Variants in CADPS2 observed in about 807,000 individuals in gnomAD.
CADPS2 encodes calcium dependent secretion activator 2.
In CADPS2, 93 loss-of-function variants were observed where a neutral mutation model predicts 172.5. The ratio of observed to expected loss-of-function variants is 0.54; its 90% confidence interval spans 0.46 to 0.64. CADPS2 has a LOEUF of 0.64. Ranked by LOEUF, CADPS2 falls within the 30% of genes least tolerant of loss-of-function variation. CADPS2 has a pLI of 0.00. For missense variants in CADPS2, 1,420 were observed against 1,565.9 expected (o/e 0.91, Z 1.57); for synonymous variants, 546 against 555.2 (o/e 0.98, Z 0.23).
chr7:122,557,786 A>G (rs2065217590), intron 7 of CADPS2, among the ~76,000 whole-genome samples: 1 of 152,196 alleles, frequency 6.6e-6, no homozygotes, highest in Non-Finnish European at 1.5e-5. Flanking sequence ...TCATGCTTTC[A>G]CCAGTATAGA....
chr7:122,442,956 A>C (rs2051569645), intron 15 of CADPS2, among the ~76,000 whole-genome samples: 1 of 152,208 alleles, frequency 6.6e-6, no homozygotes, highest in African/African-American at 2.4e-5. Flanking sequence ...AGCATTAGCA[A>C]ATTAGCAAAG....
intron 1 of CADPS2, among the ~76,000 whole-genome samples, chr7:122,881,413 A>G (rs900274475): frequency 6.6e-6 from 1 of 152,296 alleles, no homozygotes; most frequent in Non-Finnish European, 1.5e-5. Context: ...GGTTAAAAGA[A>G]TCAGCTGAAG....
chr7:122,664,717 G>A (rs1391353827), intron 2 of CADPS2, among the ~76,000 whole-genome samples: 1 of 152,110 alleles, frequency 6.6e-6, no homozygotes, highest in Non-Finnish European at 1.5e-5. Flanking sequence ...AAGCCTGCAG[G>A]ACAATTTAAT....
chr7:122,618,719 G>A (rs1408932204), intron 5 of CADPS2, among the ~76,000 whole-genome samples: 1 of 152,188 alleles, frequency 6.6e-6, no homozygotes, highest in Non-Finnish European at 1.5e-5. Context: ...GGTCTGAGGA[G>A]CAAGGCTTGC....
intron 3 of CADPS2, among the ~76,000 whole-genome samples, chr7:122,640,451 TTG>T (rs1323590532): frequency 6.7e-6 from 1 of 149,550 alleles, no homozygotes; most frequent in East Asian, 2.0e-4. Context: ...AAATAAGTGG[TTG>T]TGTGTGCACA....
At chr7:122,658,706 AG>A (rs2080131629) in intron 3 of CADPS2, among the ~76,000 whole-genome samples, 1 of 152,148 alleles carries the variant, frequency 6.6e-6, no homozygotes, top group South Asian at 2.1e-4. Flanking sequence ...GGACACAGGA[AG>A]GGGAACGAAA....
intron 25 of CADPS2, among the ~76,000 whole-genome samples, chr7:122,375,146 A>G (rs1212276404): frequency 9.9e-5 from 15 of 152,180 alleles, no homozygotes; most frequent in Admixed American, 9.8e-4. Flanking sequence ...ATTTAATGCA[A>G]TCTCTATCAA....
At chr7:122,468,852 C>T (rs1586347113) in intron 14 of CADPS2, among the ~76,000 whole-genome samples, 1 of 152,254 alleles carries the variant, frequency 6.6e-6, no homozygotes, top group South Asian at 2.1e-4. Context: ...TATTTCTATC[C>T]TAAATTGAGG....
intron 20 of CADPS2, among the ~76,000 whole-genome samples, chr7:122,397,677 T>C (rs1046910829): frequency 7.2e-5 from 11 of 152,316 alleles, no homozygotes; most frequent in African/African-American, 2.6e-4. Context: ...ATATGTAGCC[T>C]GAGGCATCAG....
chr7:122,622,360 TATG>T (rs1350555635), intron 4 of CADPS2, among the ~76,000 whole-genome samples: 2 of 152,336 alleles, frequency 1.3e-5, no homozygotes, highest in African/African-American at 4.8e-5. Flanking sequence ...AAAGGAAATT[TATG>T]ATAAAAACTA....
At position 122,674,208 on chromosome 7, in the gene CADPS2, C is replaced by G. The variant is rs116401775; in HGVS notation, c.454-10639G>C. Among the ~76,000 whole-genome samples, 1,417 of 152,300 alleles carry G rather than the reference C, an allele frequency of 9.3e-3. 17 individuals are homozygous for G. Among genetic ancestry groups the G allele is most frequent in the African/African-American group, 0.033 (1,358 of 41,556 alleles). ...CAGCCCCGGGTCCCCGCCCGCACCTCTCCCTTCACACCTCCCTGCAAGCAG... is the reference window on the plus strand; with the variant it reads ...CAGCCCCGGGTCCCCGCCCGCACCTGTCCCTTCACACCTCCCTGCAAGCAG... On this transcript the variant is annotated intron_variant, in intron 2 of 29. Coordinates refer to ENST00000449022, the MANE Select transcript of CADPS2 (RefSeq NM_017954.11).
intron 15 of CADPS2, among the ~76,000 whole-genome samples, chr7:122,447,575 A>G (rs1370041575): frequency 1.5e-5 from 1 of 68,000 alleles, no homozygotes; most frequent in Non-Finnish European, 2.9e-5. Context: ...TTTTTTTGAG[A>G]CACAGTGTCA....
intron 9 of CADPS2, among the ~76,000 whole-genome samples, chr7:122,503,162 G>A (rs1268898420): frequency 6.6e-6 from 1 of 151,302 alleles, no homozygotes; most frequent in Non-Finnish European, 1.5e-5. Context: ...CTCAGGAGTA[G>A]CTGGGATTAC....
intron 27 of CADPS2, among the ~76,000 whole-genome samples, chr7:122,358,803 A>T (rs2039756573): frequency 6.6e-6 from 1 of 152,152 alleles, no homozygotes; most frequent in Admixed American, 6.5e-5. Flanking sequence ...CTGAAGAAGG[A>T]ATTCATCACT....
intron 14 of CADPS2, among the ~76,000 whole-genome samples, chr7:122,465,496 A>G (rs1349853390): frequency 6.6e-6 from 1 of 152,036 alleles, no homozygotes; most frequent in African/African-American, 2.4e-5. Context: ...CCTGACTTCC[A>G]CCTCCTGTCA....
At chr7:122,447,273 C>G (rs138225280) in intron 15 of CADPS2, among the ~76,000 whole-genome samples, 1 of 151,858 alleles carries the variant, frequency 6.6e-6, no homozygotes, top group African/African-American at 2.4e-5. Flanking sequence ...TTTTGATGTC[C>G]TCTCTTTATA....
At chr7:122,618,459 G>A (rs925445973) in intron 5 of CADPS2, among the ~76,000 whole-genome samples, 1 of 151,822 alleles carries the variant, frequency 6.6e-6, no homozygotes, top group African/African-American at 2.4e-5. Flanking sequence ...TAGTTGGTAA[G>A]TACTACAGCA....
At position 122,756,672 on chromosome 7, in the gene CADPS2, G is replaced by A. The variant is rs118154912; in HGVS notation, c.340-19604C>T. ...CCAGCACTTTGAGAGGTGGCAGTGG[G>A]TGCATCACCTGAGGTCAGGAGTTCG... On this transcript the variant is annotated intron_variant, in intron 1 of 29. Coordinates refer to ENST00000449022, the MANE Select transcript of CADPS2 (RefSeq NM_017954.11). 4.1e-3 allele frequency among the ~76,000 whole-genome samples: 621 copies of A among 152,304 alleles called. 3 individuals are homozygous for A. The highest frequency in any genetic ancestry group is 6.5e-3 in the Non-Finnish European group (443 of 68,016).
At chr7:122,879,108 A>G (rs1359753009) in intron 1 of CADPS2, among the ~76,000 whole-genome samples, 1 of 151,496 alleles carries the variant, frequency 6.6e-6, no homozygotes, top group African/African-American at 2.4e-5. Context: ...ATGGTGGTGC[A>G]CACCTGTAAT....
Sources: allele counts gnomAD v4.1 joint callset (sites outside exome capture counted in the v4.1 genomes callset), GRCh38; gene constraint gnomAD v4.1.1; transcripts MANE v1.5; gene names NCBI Gene and HGNC (gene_info 2026-07-23, HGNC 2026-07-21).